MAEL: variants seen among roughly 807,000 people sequenced by gnomAD.
MAEL encodes the protein maelstrom spermatogenic transposon silencer, also known as protein maelstrom homolog.
In MAEL, 46 loss-of-function variants were observed where a neutral mutation model predicts 62.0. The observed-to-expected ratio is 0.74, with a 90% confidence interval of 0.59 to 0.95. MAEL has a LOEUF of 0.95. Among genes scored for constraint, MAEL ranks in the 40% least tolerant of loss-of-function variants. MAEL has a pLI of 0.00. For missense variants in MAEL, 497 were observed against 526.8 expected (o/e 0.94, Z 0.55); for synonymous variants, 172 against 175.5 (o/e 0.98, Z 0.16).
In MAEL at chr1:167,017,879, G is replaced by T. The variant is rs1254961322; in HGVS notation, c.961G>T (p.Ala321Ser). The T allele has an allele frequency of 3.7e-6, 6 of 1,613,036 alleles. No individual in the cohort carries two copies. The East Asian group carries it at 1.3e-4, about 36-fold the overall frequency. ...ATLFGIQLTEAHVPLQDYEAS... is the reference protein window; with the variant it reads ...ATLFGIQLTESHVPLQDYEAS... ...TCTCTTTGGAATCCAGCTCACAGAG[G>T]CTCATGTACCACTACAAGATTATGA... Residue 321 changes from alanine (A) to serine (S), a missense_variant, in exon 10 of 12, where the codon GCT becomes TCT. By Grantham distance (99) the Ala-to-Ser change is moderately conservative. Transcript: ENST00000367872.
chr1:166,983,604 G>A (rs1663825505), intron 1 of MAEL, among the ~76,000 whole-genome samples: 1 of 152,176 alleles, frequency 6.6e-6, no homozygotes, highest in Middle Eastern at 3.4e-3. Context: ...ACCCAAACCT[G>A]CCACCCTTTA....
rs530573603 is a variant in MAEL at position 166,978,117 on chromosome 1, A to C, written c.-121+2451A>C. On this transcript the variant is annotated intron_variant, in intron 1 of 12. Transcript: ENST00000622874. Reference sequence around the variant, plus strand: ...CTCAGAGGAGGTGTCTGTGTAGTTGAATCAGGAGACTTGGAGAAGAGCTTG... The same window carrying C: ...CTCAGAGGAGGTGTCTGTGTAGTTGCATCAGGAGACTTGGAGAAGAGCTTG... Among the ~76,000 whole-genome samples, 3 of 152,332 alleles carry C rather than the reference A, an allele frequency of 2.0e-5. No individual in the cohort carries two copies. In the South Asian group the frequency reaches 6.2e-4, roughly 32 times the overall value.
chr1:167,003,184 C>T (rs1468891187), intron 5 of MAEL, among the ~76,000 whole-genome samples: 1 of 152,126 alleles, frequency 6.6e-6, no homozygotes, highest in Non-Finnish European at 1.5e-5. Context: ...AAACTCCTGG[C>T]TCAATTGATC....
chr1:167,002,322 A>G (rs1396655825), intron 5 of MAEL, among the ~76,000 whole-genome samples: 1 of 152,230 alleles, frequency 6.6e-6, no homozygotes, highest in Non-Finnish European at 1.5e-5. Context: ...GGCTCTACAG[A>G]AATTACTAAT....
chr1:167,020,264 T>C (rs1665569243), intron 10 of MAEL, among the ~76,000 whole-genome samples: 1 of 152,178 alleles, frequency 6.6e-6, no homozygotes. Flanking sequence ...TGGCCTATCT[T>C]TTCCACTGCC....
chr1:167,020,038 A>G (rs1251599628), intron 10 of MAEL, among the ~76,000 whole-genome samples: 1 of 152,024 alleles, frequency 6.6e-6, no homozygotes, highest in East Asian at 1.9e-4. Context: ...CTCTCAGACT[A>G]CCACCATCTT....
intron 5 of MAEL, among the ~76,000 whole-genome samples, chr1:167,001,407 C>T (rs1033157551): frequency 2.6e-5 from 4 of 152,016 alleles, no homozygotes; most frequent in Non-Finnish European, 5.9e-5. Flanking sequence ...CAAAAACCTA[C>T]GGAAATAAAA....
At chr1:166,993,360 C>T (rs1336378519) in intron 4 of MAEL, among the ~76,000 whole-genome samples, 1 of 149,446 alleles carries the variant, frequency 6.7e-6, no homozygotes, top group Non-Finnish European at 1.5e-5. Flanking sequence ...CAGATATTAT[C>T]AGCATCTCTT....
chr1:166,989,356 C>T lies in MAEL; in HGVS notation c.4C>T (p.Pro2Ser), dbSNP rs759109237. 6.2e-7 allele frequency: 1 copy of T among 1,609,254 alleles called. No homozygotes were observed. Among genetic ancestry groups the T allele is most frequent in the South Asian group, 1.1e-5 (1 of 89,906 alleles). M[P>S]NRKASRNAYY... is the part of the protein sequence containing the mutation. ...CAGGAAGTTTGACCGCGCTGCCATGCCGAACCGTAAGGCCAGCCGGAATGC... is the reference window on the plus strand; with the variant it reads ...CAGGAAGTTTGACCGCGCTGCCATGTCGAACCGTAAGGCCAGCCGGAATGC... The change falls in exon 1 of 12, where the codon CCG becomes TCG. Residue 2 changes from proline (P) to serine (S), a missense_variant. By Grantham distance (74) the Pro-to-Ser change is moderately conservative (BLOSUM62 -1). Coordinates refer to ENST00000367872, the MANE Select transcript of MAEL (RefSeq NM_032858.3).
At chr1:167,021,554 G>T (rs569442024) in intron 11 of MAEL, 114 bp from the exon 12 acceptor site, 9 of 702,232 alleles carry the variant, frequency 1.3e-5, no homozygotes, top group Admixed American at 3.6e-5. Context: ...TTTTTCTGTT[G>T]AATTATGGCT....
chr1:167,011,710 G>A (rs1326123145), intron 8 of MAEL, among the ~76,000 whole-genome samples: 1 of 152,168 alleles, frequency 6.6e-6, no homozygotes, highest in African/African-American at 2.4e-5. Flanking sequence ...AATGTTGAAG[G>A]ATTGCAAATG....
Position 167,005,250 on chromosome 1 carries a change from T to C in MAEL, c.704-6T>C. 1.2e-6 allele frequency: 2 copies of C among 1,611,984 alleles called. No homozygotes were observed. Among genetic ancestry groups the C allele is most frequent in the Non-Finnish European group, 1.7e-6 (2 of 1,179,316 alleles). On this transcript the variant is annotated splice_region_variant and splice_polypyrimidine_tract_variant and intron_variant, in intron 7 of 11. Transcript: ENST00000367872. ...TTGTATGTGTTTTTCCATTTACTAATGGAAGAAATCAGGCAAGATCTACAA... is the reference window on the plus strand; with the variant it reads ...TTGTATGTGTTTTTCCATTTACTAACGGAAGAAATCAGGCAAGATCTACAA...
chr1:167,009,009 T>C (rs935742316), intron 8 of MAEL, among the ~76,000 whole-genome samples: 10 of 152,156 alleles, frequency 6.6e-5, no homozygotes, highest in African/African-American at 2.4e-4. Flanking sequence ...TATGAGAATA[T>C]ACTTTCTTTT....
chr1:167,003,707 G>A (rs913834149), intron 5 of MAEL, among the ~76,000 whole-genome samples: 2 of 152,040 alleles, frequency 1.3e-5, no homozygotes, highest in South Asian at 2.1e-4. Flanking sequence ...ATATCCTCAC[G>A]CTTTTTTATT....
At chr1:167,005,769 G>T (rs112570974) in intron 8 of MAEL, among the ~76,000 whole-genome samples, 214 of 152,240 alleles carry the variant, frequency 1.4e-3, no homozygotes, top group African/African-American at 5.1e-3. Context: ...TTACAGAAAA[G>T]TTGCAAAAAT....
At chr1:166,988,800 C>T (rs370432964), upstream of MAEL, among the ~76,000 whole-genome samples, 5 of 152,264 alleles carry the variant, frequency 3.3e-5, no homozygotes, top group East Asian at 7.7e-4. Context: ...CCTTCTAACA[C>T]TTATTTTTGA....
intron 2 of MAEL, chr1:166,990,515 T>A (rs1324828880): frequency 6.6e-6 from 1 of 151,960 alleles, no homozygotes; most frequent in Non-Finnish European, 1.5e-5. Context: ...TAAAAAAAGC[T>A]GGGTGTGATA....
chr1:166,996,987 C>T (rs538582558), intron 5 of MAEL, among the ~76,000 whole-genome samples: 4 of 152,226 alleles, frequency 2.6e-5, no homozygotes, highest in Admixed American at 1.3e-4. Context: ...TCACCATGCC[C>T]GGCTAATTTT....
At chr1:166,996,393 A>G (rs565245632) in intron 5 of MAEL, among the ~76,000 whole-genome samples, 1 of 152,314 alleles carries the variant, frequency 6.6e-6, no homozygotes, top group Admixed American at 6.5e-5. Context: ...CTTCTCTCCA[A>G]TTTACTGGTT....
Sources: allele counts gnomAD v4.1 joint callset (sites outside exome capture counted in the v4.1 genomes callset), GRCh38; gene constraint gnomAD v4.1.1; transcripts MANE v1.5; gene names NCBI Gene and HGNC (gene_info 2026-07-23, HGNC 2026-07-21).